OPHN1: variants seen among roughly 807,000 people sequenced by gnomAD.
The protein encoded by OPHN1 is oligophrenin 1.
In OPHN1, 11 loss-of-function variants were observed where a neutral mutation model predicts 60.7. That is an observed-to-expected ratio of 0.18 (90% CI 0.11 to 0.30). OPHN1 has a LOEUF of 0.30. OPHN1 is among the 10% of genes least tolerant of loss of function. The pLI is 1.00. For synonymous variants in OPHN1, 226 were observed against 222.6 expected (o/e 1.02, Z -0.14); for missense variants, 449 against 611.0 (o/e 0.73, Z 2.80).
At chrX:68,108,702 G>A (rs1376352323) in intron 18 of OPHN1, among the ~76,000 whole-genome samples, 3 of 111,538 alleles carry the variant, frequency 2.7e-5, no homozygotes, top group South Asian at 3.7e-4. Flanking sequence ...TGAGTCAGAG[G>A]ACTGTGTTGA....
At chrX:68,271,055 C>A (rs1334567782) in intron 5 of OPHN1, among the ~76,000 whole-genome samples, 1 of 111,586 alleles carries the variant, frequency 9.0e-6, no homozygotes, top group African/African-American at 3.3e-5. Flanking sequence ...CCTATCACAA[C>A]CAGTGAACTC....
At chrX:68,317,532 AAAGAAAAAAAGAAAGAAAGAAAG>A (rs2078211625) in intron 2 of OPHN1, among the ~76,000 whole-genome samples, 10 of 53,989 alleles carry the variant, frequency 1.9e-4, no homozygotes, top group African/African-American at 1.7e-3. Flanking sequence ...AGAAAGAAAG[AAAGAAAAAAAGAAAGAAAGAAAG>A]AAAGAAAGAA....
intron 2 of OPHN1, among the ~76,000 whole-genome samples, chrX:68,375,606 G>A (rs1028346219): frequency 9.0e-6 from 1 of 111,058 alleles, no homozygotes; most frequent in African/African-American, 3.3e-5. Flanking sequence ...TGTAGATGCA[G>A]GGTCTTCCTC....
intron 2 of OPHN1, among the ~76,000 whole-genome samples, chrX:68,359,856 A>AC (rs1491517363): frequency 1.7e-4 from 10 of 60,313 alleles, no homozygotes; most frequent in East Asian, 4.6e-4. Flanking sequence ...ACTCCGTCTC[A>AC]AAAAAAAAAA....
At chrX:68,318,779 C>G (rs2078221521) in intron 2 of OPHN1, among the ~76,000 whole-genome samples, 1 of 111,879 alleles carries the variant, frequency 8.9e-6, no homozygotes, top group Non-Finnish European at 1.9e-5. Flanking sequence ...ACTCCTTAGG[C>G]TCCTTTTAGC....
intron 6 of OPHN1, among the ~76,000 whole-genome samples, chrX:68,220,946 A>G (rs1254001622): frequency 5.7e-5 from 5 of 87,776 alleles, no homozygotes; most frequent in African/African-American, 1.8e-4. Context: ...ATTAGGCAGG[A>G]GAAGGAAATA....
chrX:68,276,039 GA>G (rs923759497), intron 4 of OPHN1, among the ~76,000 whole-genome samples: 2 of 111,051 alleles, frequency 1.8e-5, no homozygotes, highest in African/African-American at 6.5e-5. Flanking sequence ...AACTAGGCAA[GA>G]AAAAAAATGT....
intron 2 of OPHN1, among the ~76,000 whole-genome samples, chrX:68,301,717 C>T (rs2078121959): frequency 1.8e-5 from 2 of 111,739 alleles, no homozygotes; most frequent in African/African-American, 6.5e-5. Flanking sequence ...TTATCTTCCC[C>T]ATCCCCGTCC....
chrX:68,406,856 T>C (rs903613781), intron 2 of OPHN1, among the ~76,000 whole-genome samples: 1 of 112,476 alleles, frequency 8.9e-6, no homozygotes, highest in Non-Finnish European at 1.9e-5. Context: ...CTTTGTACTA[T>C]TTTTGTAACT....
At chrX:68,131,905 G>A (rs927822715) in intron 15 of OPHN1, among the ~76,000 whole-genome samples, 3 of 112,295 alleles carry the variant, frequency 2.7e-5, no homozygotes, top group Non-Finnish European at 5.6e-5. Flanking sequence ...CTACGATAAA[G>A]CTAGAAATCA....
At chrX:68,171,782 A>T (rs1436008367) in intron 15 of OPHN1, among the ~76,000 whole-genome samples, 2 of 111,625 alleles carry the variant, frequency 1.8e-5, no homozygotes, top group Non-Finnish European at 3.8e-5. Context: ...TAAACAGTCC[A>T]ATCAAAAAGT....
chrX:68,264,769 C>T (rs2077913988), intron 5 of OPHN1, among the ~76,000 whole-genome samples: 1 of 112,310 alleles, frequency 8.9e-6, no homozygotes, highest in Admixed American at 9.4e-5. Flanking sequence ...AGGGAATTCC[C>T]TTTCCTAGTC....
chrX:68,318,311 CAACAT>C (rs896651710), intron 2 of OPHN1, among the ~76,000 whole-genome samples: 2 of 111,764 alleles, frequency 1.8e-5, no homozygotes, highest in Non-Finnish European at 3.8e-5. Context: ...TTATAAGACT[CAACAT>C]AATAAAAATG....
At chrX:68,197,856 G>A (rs1338617328) in intron 11 of OPHN1, among the ~76,000 whole-genome samples, 1 of 111,277 alleles carries the variant, frequency 9.0e-6, no homozygotes, top group Non-Finnish European at 1.9e-5. Flanking sequence ...TTTGTTCCAA[G>A]TAAACTATGT....
chrX:68,168,831 A>G (rs373847077), intron 15 of OPHN1, among the ~76,000 whole-genome samples: 4 of 111,057 alleles, frequency 3.6e-5, no homozygotes, highest in East Asian at 5.7e-4. Flanking sequence ...TATCACCACC[A>G]ATCCCACAGA....
chrX:68,422,715 G>GA (rs1204462528), intron 2 of OPHN1, among the ~76,000 whole-genome samples: 3,620 of 73,545 alleles, frequency 0.049, 235 homozygotes, highest in African/African-American at 0.18. Context: ...GAGAGAGAAA[G>GA]AAAGAAAGGA....
At chrX:68,382,354 A>G (rs1226882215) in intron 2 of OPHN1, among the ~76,000 whole-genome samples, 4 of 109,470 alleles carry the variant, frequency 3.7e-5, no homozygotes, top group Non-Finnish European at 7.6e-5. Context: ...CTTAAAAAAA[A>G]TAAAATAAAA....
At chrX:68,306,193 T>C (rs913664345) in intron 2 of OPHN1, among the ~76,000 whole-genome samples, 1 of 111,749 alleles carries the variant, frequency 8.9e-6, no homozygotes, top group Non-Finnish European at 1.9e-5. Flanking sequence ...CATCCAAATA[T>C]TGGCTTTTCC....
intron 5 of OPHN1, among the ~76,000 whole-genome samples, chrX:68,265,477 A>G (rs1236752321): frequency 1.8e-5 from 2 of 112,311 alleles, no homozygotes; most frequent in East Asian, 5.6e-4. Context: ...CCTGACTGTT[A>G]CAAGGAAAAC....
Sources: allele counts gnomAD v4.1 joint callset (sites outside exome capture counted in the v4.1 genomes callset), GRCh38; gene constraint gnomAD v4.1.1; transcripts MANE v1.5; gene names NCBI Gene and HGNC (gene_info 2026-07-23, HGNC 2026-07-21).